LIPE: variants seen among roughly 807,000 people sequenced by gnomAD.
LIPE encodes lipase E, hormone sensitive type.
LIPE carries 66 observed loss-of-function variants against 88.5 expected under a neutral mutation model. The ratio of observed to expected loss-of-function variants is 0.75; its 90% CI spans 0.61 to 0.91. The LOEUF (loss-of-function observed/expected upper bound fraction) is 0.91, where lower values mean the gene tolerates loss of function less well. LIPE is among the 40% of genes least tolerant of loss of function. The probability of loss-of-function intolerance (pLI) is 0.00; values close to 1 mark genes in which losing one functional copy is unlikely to be tolerated. For missense variants in LIPE, 1,346 were observed against 1,434.7 expected (o/e 0.94, Z 1.00); for synonymous variants, 570 against 617.5 (o/e 0.92, Z 1.14).
rs1348712187 is a variant in LIPE at position 42,402,030 on chromosome 19, G to A, written c.3013C>T (p.Arg1005Trp). The A allele has an allele frequency of 2.0e-6, 3 of 1,535,160 alleles. No individual in the cohort carries two copies. In the African/African-American group the frequency reaches 4.2e-5, roughly 21 times the overall value. ...GGCTGGCCCAGGTTGCGCAGTCGCC[G>A]CGCGAGCATGACCGAGTCGTCCAGC... ...PMLDDSVMLA[R>W]RLRNLGQPVT... is the part of the protein sequence containing the mutation. Residue 1005 changes from arginine to tryptophan, a missense_variant, in exon 10 of 10, where the codon CGG becomes TGG. Transcript: ENST00000244289.
intron 9 of LIPE, among the ~76,000 whole-genome samples, chr19:42,402,338 C>A (rs2040006761): frequency 6.6e-6 from 1 of 151,928 alleles, no homozygotes; most frequent in Non-Finnish European, 1.5e-5. Context: ...CCAAACCCAC[C>A]TTTTTTTTCT....
chr19:42,425,470 A>T (rs1222054494), intron 1 of LIPE, among the ~76,000 whole-genome samples: 1 of 152,146 alleles, frequency 6.6e-6, no homozygotes, highest in African/African-American at 2.4e-5. Flanking sequence ...GGCCCTGTGC[A>T]AGAACCCTTA....
In LIPE at chr19:42,426,276, G is replaced by T. The variant is rs2040705805; in HGVS notation, c.874C>A (p.Gln292Lys). 6 of 1,600,582 alleles carry T rather than the reference G, an allele frequency of 3.7e-6. No individual in the cohort carries two copies. Among genetic ancestry groups the T allele is most frequent in the Non-Finnish European group, 5.1e-6 (6 of 1,168,868 alleles). ...CCAGATTCACACTCACCTGTATCCT[G>T]GTAGTGTCTGTGATTCCGAGCACTG... ...KTSARNHRHYQDTASRLIHNM... is the reference protein window; with the variant it reads ...KTSARNHRHYKDTASRLIHNM... The change falls in exon 1 of 10, where the codon CAG (glutamine) becomes AAG (lysine). Residue 292 changes from glutamine to lysine, a missense_variant. Physicochemically the swap from Gln to Lys is moderately conservative, Grantham distance 53. Coordinates refer to ENST00000244289, the MANE Select transcript of LIPE (RefSeq NM_005357.4).
chr19:42,427,025 A>C lies in LIPE; in HGVS notation c.125T>G (p.Leu42Arg). 1 of 1,613,838 alleles carries C rather than the reference A, an allele frequency of 6.2e-7. No individual in the cohort carries two copies. The highest frequency in any genetic ancestry group is 8.5e-7 in the Non-Finnish European group (1 of 1,179,952). ...TPIAQPESKT[L>R]QGSNTQQKPA... ...CTTCTGTTGGGTATTGGATCCCTGC[A>C]GAGTCTTCGATTCTGGCTGGGCTAT... The change falls in exon 1 of 10, where the codon CTG becomes CGG. Residue 42 changes from leucine to arginine, a missense_variant. Transcript: ENST00000244289.
chr19:42,402,656 A>C lies in LIPE; in HGVS notation c.2918T>G (p.Leu973Arg), dbSNP rs1400082477. The change falls in exon 9 of 10, where the codon CTG becomes CGG. Residue 973 changes from leucine (L) to arginine (R), a missense_variant. Coordinates refer to ENST00000244289, the MANE Select transcript of LIPE (RefSeq NM_005357.4). ...CTTGAGCATGCTGTCGGGTGCCAGCAGCGGCGACATGAAGGGGTTCTTGAC... is the reference window on the plus strand; with the variant it reads ...CTTGAGCATGCTGTCGGGTGCCAGCCGCGGCGACATGAAGGGGTTCTTGAC... ...PIVKNPFMSP[L>R]LAPDSMLKSL... 1 of 1,499,428 alleles carries C rather than the reference A, an allele frequency of 6.7e-7. No homozygotes were observed. The highest frequency in any genetic ancestry group is 8.9e-7 in the Non-Finnish European group (1 of 1,122,336). The allele number at this position is 1,499,428 out of a possible 1,614,324, so 92.9% of individuals were successfully genotyped here.
chr19:42,423,672 C>T (rs2040649274), intron 1 of LIPE: 2 of 1,151,766 alleles, frequency 1.7e-6, no homozygotes. Context: ...GTCCAGCTCC[C>T]TAACCAATTC....
At chr19:42,421,088 G>A (rs1054864421) in intron 1 of LIPE, among the ~76,000 whole-genome samples, 3 of 151,994 alleles carry the variant, frequency 2.0e-5, no homozygotes, top group African/African-American at 4.8e-5. Flanking sequence ...TGGTAGAGAC[G>A]GGGTCTCGCT....
chr19:42,418,060 G>A lies in LIPE; in HGVS notation c.884-7218C>T, dbSNP rs112068452. Among the ~76,000 whole-genome samples the A allele has an allele frequency of 2.5e-3, 383 of 151,242 alleles. 1 individual carries two copies. The highest frequency in any genetic ancestry group is 8.7e-3 in the African/African-American group (359 of 41,160). The stretch of plus-strand genomic sequence containing the variant: ...TGCAATGGTGCGATCTCAGCTCACC[G>A]CAACCTCCGCCTCCCAGGTTCAAGT... On this transcript the variant is annotated intron_variant, in intron 1 of 9. Transcript: ENST00000244289.
chr19:42,423,699 C>T (rs928263476), intron 1 of LIPE: 1 of 1,139,804 alleles, frequency 8.8e-7, no homozygotes, highest in Non-Finnish European at 1.1e-6. Context: ...CCCTCCGCTG[C>T]CGTGCTCCGC....
chr19:42,427,143 G>C lies in LIPE; in HGVS notation c.7C>G (p.Pro3Ala). The change falls in exon 1 of 10, where the codon CCA becomes GCA. Residue 3 changes from proline to alanine, a missense_variant. Physicochemically the swap from Pro to Ala is conservative, Grantham distance 27. Transcript: ENST00000244289. ME[P>A]GSKSVSRSDW... ...GACCTAGACACTGACTTAGAACCTGGCTCCATTGTTATTTCCCTCACGGGA... is the reference window on the plus strand; with the variant it reads ...GACCTAGACACTGACTTAGAACCTGCCTCCATTGTTATTTCCCTCACGGGA... 6.3e-7 allele frequency: 1 copy of C among 1,591,178 alleles called. No individual in the cohort carries two copies. The highest frequency in any genetic ancestry group is 8.5e-7 in the Non-Finnish European group (1 of 1,172,190).
At position 42,407,848 on chromosome 19, in the gene LIPE, C is replaced by T. The variant is rs2040238679; in HGVS notation, c.1657-57G>A. On this transcript the variant is annotated intron_variant, in intron 4 of 9. Transcript: ENST00000244289. The surrounding 1 kb of genome is among the most constrained non-coding windows in gnomAD (Gnocchi z 5.8). ...AAGGTCTGCCTGCAGGGGTGCCCTT[C>T]ACCTCTCCCTCTGATCCCCAGTCTT... 8 of 1,549,628 alleles carry T rather than the reference C, an allele frequency of 5.2e-6. No homozygotes were observed. The South Asian group carries it at 8.6e-5, about 17-fold the overall frequency.
intron 1 of LIPE, chr19:42,412,689 C>T (rs35544765): frequency 0.014 from 5,882 of 424,078 alleles, 296 homozygotes; most frequent in African/African-American, 0.11. Flanking sequence ...CCAGCCCCTT[C>T]ATCCTTTAGG....
chr19:42,423,686 TCTCC>T, intron 1 of LIPE: 1 of 1,144,396 alleles, frequency 8.7e-7, no homozygotes. Context: ...CCAATTCTGG[TCTCC>T]CTCCGCTGCC....
intron 9 of LIPE, 101 bp downstream of exon 9, chr19:42,402,506 C>A (rs536216399): frequency 9.3e-7 from 1 of 1,080,698 alleles, no homozygotes; most frequent in African/African-American, 1.6e-5. Flanking sequence ...CTCCCCACTC[C>A]GGAGCTCTTT....
chr19:42,426,992 G>C lies in LIPE; in HGVS notation c.158C>G (p.Ser53Ter), dbSNP rs1312728990. 6.2e-7 allele frequency: 1 copy of C among 1,613,984 alleles called. No homozygotes were observed. Among genetic ancestry groups the C allele is most frequent in the Admixed American group, 1.7e-5 (1 of 59,996 alleles). Reference protein sequence around the residue: ...QGSNTQQKPASNQRPLTQQET... With the variant: ...QGSNTQQKPA ...CTGCTGGGTGAGGGGTCTTTGGTTT[G>C]AAGCAGGCTTCTGTTGGGTATTGGA... is the stretch of plus-strand genomic sequence containing the variant. The change falls in exon 1 of 10, where the codon TCA (serine) becomes TGA (stop). Residue 53 changes from serine (S) to a stop codon, truncating the protein, a stop_gained. Coordinates refer to ENST00000244289, the MANE Select transcript of LIPE (RefSeq NM_005357.4). LOFTEE classifies it high-confidence loss of function.
chr19:42,407,535 G>C lies in LIPE; in HGVS notation c.1843-67C>G. On this transcript the variant is annotated intron_variant, in intron 5 of 9. Coordinates refer to ENST00000244289, the MANE Select transcript of LIPE (RefSeq NM_005357.4). The surrounding 1 kb of genome is among the most constrained non-coding windows in gnomAD (Gnocchi z 5.8). Reference sequence around the variant, plus strand: ...CTGGCCAGGGCTGCACCCCTCCATGGGGATGCCAAGGTGGGGGCTGCCCAC... The same window carrying C: ...CTGGCCAGGGCTGCACCCCTCCATGCGGATGCCAAGGTGGGGGCTGCCCAC... 1 of 1,577,230 alleles carries C rather than the reference G, an allele frequency of 6.3e-7. No homozygotes were observed. The highest frequency in any genetic ancestry group is 2.2e-5 in the East Asian group (1 of 44,480).
At position 42,406,617 on chromosome 19, in the gene LIPE, G is replaced by A. The variant is rs926430969; in HGVS notation, c.2138-229C>T. 6.6e-6 allele frequency among the ~76,000 whole-genome samples: 1 copy of A among 152,086 alleles called. No homozygotes were observed. Among genetic ancestry groups the A allele is most frequent in the Non-Finnish European group, 1.5e-5 (1 of 68,006 alleles). Reference sequence around the variant, plus strand: ...TCAGGACCTGGAGAGGCCCAGGGAAGCACTGGGAAAGTCTGTCGGGGCTGG... The same window carrying A: ...TCAGGACCTGGAGAGGCCCAGGGAAACACTGGGAAAGTCTGTCGGGGCTGG... On this transcript the variant is annotated intron_variant, in intron 6 of 9. Coordinates refer to ENST00000244289, the MANE Select transcript of LIPE (RefSeq NM_005357.4). This position sits in a 1 kb window ranked among gnomAD's most constrained non-coding sequence, Gnocchi z 5.7.
chr19:42,406,512 C>T lies in LIPE; in HGVS notation c.2138-124G>A. On this transcript the variant is annotated intron_variant, in intron 6 of 9. Transcript: ENST00000244289. This position sits in a 1 kb window ranked among gnomAD's most constrained non-coding sequence, Gnocchi z 5.7. ...AGGTGGGGTGTGGGGCACTCCAAGG[C>T]CTAGCAGACTGCAGTTTTAGAGACT... 1 of 727,524 alleles carries T rather than the reference C, an allele frequency of 1.4e-6. No homozygotes were observed. The highest frequency in any genetic ancestry group is 2.5e-5 in the Admixed American group (1 of 39,868). 45.1% of individuals were successfully genotyped at this position (727,524 alleles called of 1,614,324 possible).
Position 42,427,287 on chromosome 19 carries a change from A to C in LIPE, c.-138T>G, listed in dbSNP as rs1600154178. On this transcript the variant is annotated 5_prime_UTR_variant, in exon 1 of 10. Coordinates refer to ENST00000244289, the MANE Select transcript of LIPE (RefSeq NM_005357.4). ...TTGGGTTTCACTCCATCCTAGCATC[A>C]CTGGTCTTCCTTTTTAAGGCAGCTG... The C allele has an allele frequency of 1.4e-6, 2 of 1,410,960 alleles. No homozygotes were observed. Among genetic ancestry groups the C allele is most frequent in the Non-Finnish European group, 1.8e-6 (2 of 1,086,458 alleles). 87.4% of individuals were successfully genotyped at this position (1,410,960 alleles called of 1,614,324 possible).
Sources: allele counts gnomAD v4.1 joint callset (sites outside exome capture counted in the v4.1 genomes callset), GRCh38; gene constraint gnomAD v4.1.1; non-coding constraint Gnocchi (gnomAD v3.1); transcripts MANE v1.5; gene names NCBI Gene and HGNC (gene_info 2026-07-23, HGNC 2026-07-21).